MCM9: variants seen among roughly 807,000 people sequenced by gnomAD.
The protein encoded by MCM9 is DNA helicase MCM9.
Under a neutral mutation model 72.8 loss-of-function variants are expected in MCM9, and 55 were observed. The ratio of observed to expected loss-of-function variants is 0.76; its 90% CI spans 0.61 to 0.95. The LOEUF (loss-of-function observed/expected upper bound fraction) is 0.95. Ranked by LOEUF, MCM9 falls within the 40% of genes least tolerant of loss-of-function variation. The probability of loss-of-function intolerance (pLI) is 0.00; values close to 1 mark genes in which losing one functional copy is unlikely to be tolerated. For missense variants in MCM9, 1,279 were observed against 1,377.0 expected (o/e 0.93, Z 1.13); for synonymous variants, 480 against 503.4 (o/e 0.95, Z 0.62).
intron 3 of MCM9, among the ~76,000 whole-genome samples, chr6:118,926,836 T>C (rs541343862): frequency 3.6e-4 from 55 of 152,308 alleles, no homozygotes; most frequent in African/African-American, 1.3e-3. Context: ...AAAATAATTT[T>C]TTTAAATAAT....
At chr6:118,858,266 A>G (rs1776688954) in intron 8 of MCM9, among the ~76,000 whole-genome samples, 1 of 152,186 alleles carries the variant, frequency 6.6e-6, no homozygotes, top group African/African-American at 2.4e-5. Flanking sequence ...AAGAGCATAC[A>G]ATTGCTTCAA....
At chr6:118,903,251 T>G (rs11153778) in intron 8 of MCM9, among the ~76,000 whole-genome samples, 20,480 of 152,180 alleles carry the variant, frequency 0.13, 1,551 homozygotes, top group Non-Finnish European at 0.17. Context: ...AGAATCCGTT[T>G]GGGTACACTG....
chr6:118,908,039 A>G (rs567982696), intron 8 of MCM9: 1 of 154,650 alleles, frequency 6.5e-6, no homozygotes, highest in East Asian at 1.9e-4. Flanking sequence ...ATATGGTATC[A>G]TTTTAATTTA....
intron 6 of MCM9, 89 bp from the exon 7 acceptor site, chr6:118,913,509 AT>A: frequency 6.7e-7 from 1 of 1,502,854 alleles, no homozygotes; most frequent in Non-Finnish European, 9.1e-7. Context: ...GACCATCCTC[AT>A]TTAAATATAC....
chr6:118,845,954 C>T (rs1771747), intron 9 of MCM9, among the ~76,000 whole-genome samples: 11,457 of 151,790 alleles, frequency 0.075, 814 homozygotes, highest in East Asian at 0.19. Flanking sequence ...ATGAACAAAT[C>T]TCATTCCATT....
intron 9 of MCM9, among the ~76,000 whole-genome samples, chr6:118,852,161 G>A (rs577275643): frequency 6.6e-6 from 1 of 152,252 alleles, no homozygotes; most frequent in African/African-American, 2.4e-5. Context: ...GCATGTATTT[G>A]TGCATCTAAA....
At chr6:118,928,660 C>T (rs1448176685) in intron 3 of MCM9, among the ~76,000 whole-genome samples, 1 of 146,192 alleles carries the variant, frequency 6.8e-6, no homozygotes, top group African/African-American at 2.5e-5. Context: ...CCAGCCTGAG[C>T]AACACAGAGA....
chr6:118,873,453 C>T (rs1289928877), intron 8 of MCM9, among the ~76,000 whole-genome samples: 2 of 152,004 alleles, frequency 1.3e-5, no homozygotes, highest in East Asian at 3.9e-4. Flanking sequence ...GAAAGAACCT[C>T]ACTACAGATC....
At chr6:118,884,419 C>CA (rs773718519) in intron 8 of MCM9, among the ~76,000 whole-genome samples, 3 of 149,706 alleles carry the variant, frequency 2.0e-5, no homozygotes, top group Non-Finnish European at 3.0e-5. Flanking sequence ...GAAATCATAA[C>CA]AAAAATAGAG....
chr6:118,926,979 T>C (rs1432998240), intron 3 of MCM9, among the ~76,000 whole-genome samples: 1 of 152,114 alleles, frequency 6.6e-6, no homozygotes, highest in East Asian at 1.9e-4. Context: ...AACAATTACT[T>C]CTACGAAGGA....
At chr6:118,898,430 T>C (rs1402886571) in intron 8 of MCM9, among the ~76,000 whole-genome samples, 1 of 151,656 alleles carries the variant, frequency 6.6e-6, no homozygotes, top group East Asian at 1.9e-4. Flanking sequence ...TAATAATTTT[T>C]TTTTTTTTTT....
At chr6:118,826,410 T>G (rs1047883423) in intron 12 of MCM9, 118 bp from the exon 13 acceptor site, 1 of 1,023,812 alleles carries the variant, frequency 9.8e-7, no homozygotes. Context: ...CTATACTGGG[T>G]ATGAAAATCA....
In MCM9 at chr6:118,815,303, G is replaced by A; in HGVS notation, c.2953C>T (p.Gln985Ter). ...TSTPGNQISS[Q>*]PQGETKEVSQ... is the part of the protein sequence containing the mutation. ...ACCTCCTTTGTCTCACCCTGTGGCT[G>A]ACTGGAGATCTGGTTTCCTGGGGTA... Residue 985 changes from glutamine to a stop codon, truncating the protein, a stop_gained, in exon 14 of 14, where the codon CAG becomes TAG. Transcript: ENST00000619706. LOFTEE classifies it low-confidence loss of function (END_TRUNC). The A allele has an allele frequency of 6.4e-7, 1 of 1,550,608 alleles. No homozygotes were observed. The highest frequency in any genetic ancestry group is 8.7e-7 in the Non-Finnish European group (1 of 1,146,942).
chr6:118,814,980 G>C lies in MCM9; in HGVS notation c.3276C>G (p.Thr1092=), dbSNP rs1250436057. 6.5e-7 allele frequency: 1 copy of C among 1,550,312 alleles called. No homozygotes were observed. Among genetic ancestry groups the C allele is most frequent in the Admixed American group, 2.0e-5 (1 of 50,948 alleles). Residue 1092 remains threonine, a synonymous_variant, in exon 14 of 14, where the codon ACC becomes ACG. Transcript: ENST00000619706. Reference sequence around the variant, plus strand: ...TTTTACTGACACGCATTGGAGCTGTGGTTGTAGGAGGGGAGCTTGGGCCTC... The same window carrying C: ...TTTTACTGACACGCATTGGAGCTGTCGTTGTAGGAGGGGAGCTTGGGCCTC... ...GERGPSSPPT[T]TAPMRVSKRK...
chr6:118,856,476 TCTGCAAGAA>T lies in MCM9; in HGVS notation c.1211_1219del (p.Val404_Ala406del), dbSNP rs1776560865. 9.1e-6 allele frequency: 14 copies of T among 1,535,584 alleles called. No individual in the cohort carries two copies. The highest frequency in any genetic ancestry group is 1.2e-5 in the Non-Finnish European group (14 of 1,146,904). On this transcript the variant is annotated inframe_deletion, in exon 9 of 14. Coordinates refer to ENST00000619706, the MANE Select transcript of MCM9 (RefSeq NM_017696.3). ...CTCATCAATACAGCAAAGGCCCGCA[TCTGCAAGAA>T]CTAATGCCCCAGCCTCCAAATTCCA...
intron 4 of MCM9, among the ~76,000 whole-genome samples, 177 bp downstream of exon 4, chr6:118,923,634 T>C (rs1781618656): frequency 6.6e-6 from 1 of 152,240 alleles, no homozygotes; most frequent in Non-Finnish European, 1.5e-5. Flanking sequence ...AAAGGATGAT[T>C]GCATGGTTTC....
intron 3 of MCM9, among the ~76,000 whole-genome samples, chr6:118,926,655 C>A (rs1310414437): frequency 4.6e-5 from 7 of 152,092 alleles, no homozygotes; most frequent in Non-Finnish European, 8.8e-5. Flanking sequence ...TTTAGATATA[C>A]CGTATTTTGT....
At chr6:118,924,953 G>C (rs1354236127) in intron 3 of MCM9, among the ~76,000 whole-genome samples, 2 of 151,988 alleles carry the variant, frequency 1.3e-5, no homozygotes, top group Non-Finnish European at 2.9e-5. Flanking sequence ...GCTGAAGTGG[G>C]AGGATCTCTT....
intron 8 of MCM9, among the ~76,000 whole-genome samples, chr6:118,859,288 G>C (rs1776761103): frequency 1.3e-5 from 2 of 152,132 alleles, no homozygotes; most frequent in African/African-American, 4.8e-5. Context: ...ATACCTAAAT[G>C]TAAAGTGTAA....
Sources: gnomAD v4.1 joint callset for allele counts (sites outside exome capture counted in the v4.1 genomes callset) on GRCh38, gnomAD v4.1.1 for gene constraint, MANE v1.5 for transcripts, NCBI Gene and HGNC (gene_info 2026-07-23, HGNC 2026-07-21) for gene names.